Variants in SYBU observed in about 807,000 individuals in gnomAD.
SYBU encodes the protein syntabulin.
A neutral mutation model predicts 35.9 loss-of-function variants in SYBU; 21 were observed. The observed-to-expected ratio is 0.58, with a 90% CI of 0.41 to 0.84. SYBU has a LOEUF of 0.84. Among genes scored for constraint, SYBU ranks in the 40% least tolerant of loss-of-function variants. The pLI, the probability that SYBU is intolerant of heterozygous loss-of-function variation, is 0.00. For missense variants in SYBU, 768 were observed against 848.2 expected, an observed-to-expected ratio of 0.91 and a Z score of 1.17; for synonymous variants, 319 against 324.3, an observed-to-expected ratio of 0.98 and a Z score of 0.18.
chr8:109,628,795 C>G (rs1481853494), intron 2 of SYBU, among the ~76,000 whole-genome samples: 2 of 151,492 alleles, frequency 1.3e-5, no homozygotes, highest in Non-Finnish European at 2.9e-5. Flanking sequence ...GCACTCCAGT[C>G]TGGGTGACAG....
rs750306943 is a variant in SYBU, at chr8:109,575,064, G to A, written c.1834C>T (p.Leu612=). The A allele has an allele frequency of 3.1e-6, 5 of 1,609,042 alleles. No individual in the cohort carries two copies. In the Admixed American group the frequency reaches 6.7e-5, roughly 22 times the overall value. Residue 612 remains leucine (L), a synonymous_variant, in exon 7 of 7, where the codon CTG becomes TTG. Transcript: ENST00000276646. ...GGGACCACGGGGGCAGCCACAGCCA[G>A]GAGATCCACCAGGAAGCTGCTGCTC... ...YWSSSFLVDL[L]AVAAPVVPTV...
At chr8:109,678,134 CAAAAA>C (rs758399888) in intron 1 of SYBU, among the ~76,000 whole-genome samples, 46 of 43,148 alleles carry the variant, frequency 1.1e-3, no homozygotes, top group African/African-American at 2.2e-3. Flanking sequence ...AACTCCACCT[CAAAAA>C]AAAAAAAAAA....
chr8:109,655,397 G>A (rs1032326616), intron 1 of SYBU, among the ~76,000 whole-genome samples: 1 of 152,202 alleles, frequency 6.6e-6, no homozygotes, highest in Non-Finnish European at 1.5e-5. Context: ...TAGAAGCTGT[G>A]TTTGCTTTTG....
chr8:109,680,252 A>G (rs1817353055), intron 1 of SYBU: 1 of 152,232 alleles, frequency 6.6e-6, no homozygotes. Flanking sequence ...CTAAATAGAA[A>G]CTAATTTAAA....
chr8:109,615,797 A>T (rs986897038), intron 3 of SYBU, among the ~76,000 whole-genome samples: 1 of 152,072 alleles, frequency 6.6e-6, no homozygotes, highest in Non-Finnish European at 1.5e-5. Context: ...CATAAATGCT[A>T]ACAAATGAGA....
intron 2 of SYBU, among the ~76,000 whole-genome samples, chr8:109,630,770 T>C (rs1304840459): frequency 6.6e-6 from 1 of 152,054 alleles, no homozygotes; most frequent in Non-Finnish European, 1.5e-5. Context: ...AACATGACCT[T>C]GGAGATAGCA....
At chr8:109,653,765 G>T (rs1040074137) in intron 1 of SYBU, among the ~76,000 whole-genome samples, 5 of 152,054 alleles carry the variant, frequency 3.3e-5, no homozygotes, top group African/African-American at 1.2e-4. Flanking sequence ...AAAATAGGAG[G>T]TATTAAGAGA....
At chr8:109,588,933 G>T (rs11986439) in intron 3 of SYBU, among the ~76,000 whole-genome samples, 16,275 of 152,142 alleles carry the variant, frequency 0.11, 2,263 homozygotes, top group African/African-American at 0.32. Flanking sequence ...GCCAAGGTGA[G>T]TGGATCACCT....
chr8:109,648,588 C>T (rs559206352), upstream of SYBU: 2 of 152,206 alleles, frequency 1.3e-5, no homozygotes, highest in East Asian at 3.9e-4. Context: ...GCAAACTTCA[C>T]AGAGAAGACA....
At position 109,574,837 on chromosome 8, in the gene SYBU, G is replaced by C; in HGVS notation, c.*69C>G. ...AGAATAGAGACTGTCACAGATGATT[G>C]ACTTCCTGTTTCTCTACCTGGCACA... On this transcript the variant is annotated 3_prime_UTR_variant, in exon 7 of 7. Coordinates refer to ENST00000276646, the MANE Select transcript of SYBU (RefSeq NM_001099754.2). 1 of 1,458,820 alleles carries C rather than the reference G, an allele frequency of 6.9e-7. No homozygotes were observed. The highest frequency in any genetic ancestry group is 9.2e-7 in the Non-Finnish European group (1 of 1,092,126). 90.4% of individuals were successfully genotyped at this position (1,458,820 alleles called of 1,614,324 possible).
intron 1 of SYBU, among the ~76,000 whole-genome samples, chr8:109,664,423 G>A (rs1816685193): frequency 6.6e-6 from 1 of 152,148 alleles, no homozygotes; most frequent in Non-Finnish European, 1.5e-5. Context: ...TATACCATAT[G>A]GCTGAATTCA....
At chr8:109,689,288 TGCCTGTTTACA>T (rs1264695195) in intron 1 of SYBU, among the ~76,000 whole-genome samples, 3 of 152,290 alleles carry the variant, frequency 2.0e-5, no homozygotes, top group East Asian at 3.9e-4. Context: ...ATTGGTGCAA[TGCCTGTTTACA>T]GCTCTATGAT....
At position 109,606,886 on chromosome 8, in the gene SYBU, T is replaced by A. The variant is rs549244094; in HGVS notation, c.427+11956A>T. On this transcript the variant is annotated intron_variant, in intron 3 of 6. Transcript: ENST00000276646. ...CATGAGCATAAAAAAGTAAACAAAG[T>A]TAACAATCTAGCATAATGCTGTGTT... Among the ~76,000 whole-genome samples, 9 of 152,284 alleles carry A rather than the reference T, an allele frequency of 5.9e-5. No homozygotes were observed. The South Asian group carries it at 1.9e-3, about 32-fold the overall frequency.
chr8:109,644,158 C>T (rs1310299182), intron 1 of SYBU: 1 of 460,060 alleles, frequency 2.2e-6, no homozygotes, highest in South Asian at 1.5e-5. Flanking sequence ...CAGGCATCCA[C>T]TCTACCCGGG....
chr8:109,583,894 C>T (rs1247639402), intron 4 of SYBU, among the ~76,000 whole-genome samples: 1 of 152,092 alleles, frequency 6.6e-6, no homozygotes, highest in Admixed American at 6.5e-5. Context: ...CTGCAACCTC[C>T]GCCTCTCAGG....
chr8:109,672,862 T>C (rs1817037081), intron 1 of SYBU, among the ~76,000 whole-genome samples: 1 of 152,140 alleles, frequency 6.6e-6, no homozygotes. Context: ...GCATCTGCCA[T>C]TACTGAGGCT....
At chr8:109,678,032 G>A (rs778511945) in intron 1 of SYBU, among the ~76,000 whole-genome samples, 16 of 150,792 alleles carry the variant, frequency 1.1e-4, no homozygotes, top group Non-Finnish European at 1.6e-4. Flanking sequence ...TATTTGGGAG[G>A]CTGAGGCAGG....
intron 3 of SYBU, among the ~76,000 whole-genome samples, chr8:109,601,314 A>T (rs1278097065): frequency 6.6e-6 from 1 of 152,092 alleles, no homozygotes; most frequent in Admixed American, 6.6e-5. Flanking sequence ...GTCTGACATC[A>T]CTCTGCTTGA....
At chr8:109,615,262 T>C (rs573204656) in intron 3 of SYBU, among the ~76,000 whole-genome samples, 1 of 152,300 alleles carries the variant, frequency 6.6e-6, no homozygotes, top group Non-Finnish European at 1.5e-5. Context: ...TTTAAAAAAG[T>C]AGAGCATGCA....
Sources: allele counts gnomAD v4.1 joint callset (sites outside exome capture counted in the v4.1 genomes callset), GRCh38; gene constraint gnomAD v4.1.1; transcripts MANE v1.5; gene names NCBI Gene and HGNC (gene_info 2026-07-23, HGNC 2026-07-21).